DAZAP1: variants seen among roughly 807,000 people sequenced by gnomAD.
The protein encoded by DAZAP1 is DAZ-associated protein 1.
DAZAP1 carries 6 observed loss-of-function variants against 60.1 expected under a neutral mutation model. The ratio of observed to expected loss-of-function variants is 0.10; its 90% CI spans 0.05 to 0.20. The LOEUF (loss-of-function observed/expected upper bound fraction) is 0.20. Ranked by LOEUF, DAZAP1 falls within the 10% of genes least tolerant of loss-of-function variation. The pLI is 1.00. For missense variants in DAZAP1, 366 were observed against 560.4 expected, an observed-to-expected ratio of 0.65 and a Z score of 3.50; for synonymous variants, 235 against 215.9, an observed-to-expected ratio of 1.09 and a Z score of -0.78.
chr19:1,411,612 G>T (rs2082833205), intron 1 of DAZAP1, among the ~76,000 whole-genome samples: 1 of 152,246 alleles, frequency 6.6e-6, no homozygotes, highest in South Asian at 2.1e-4. Flanking sequence ...CCTGGCGCTT[G>T]CCCTTCACAC....
At chr19:1,431,228 A>T (rs1455318489) in intron 10 of DAZAP1, among the ~76,000 whole-genome samples, 2 of 151,322 alleles carry the variant, frequency 1.3e-5, no homozygotes, top group Non-Finnish European at 2.9e-5. Flanking sequence ...TCCTGGGTTC[A>T]CGCCATTCTC....
intron 1 of DAZAP1, 143 bp downstream of exon 1, chr19:1,407,945 C>A: frequency 1.3e-6 from 1 of 749,520 alleles, no homozygotes; most frequent in Non-Finnish European, 1.6e-6. Context: ...GGACTCGCCG[C>A]GGCTTCGCGC....
intron 1 of DAZAP1, chr19:1,417,260 G>A (rs1179830216): frequency 7.0e-6 from 4 of 568,208 alleles, no homozygotes; most frequent in African/African-American, 5.7e-5. Flanking sequence ...TGAGGTCAGC[G>A]TGCGGCTCTG....
Position 1,418,504 on chromosome 19 carries a change from C to A in DAZAP1, c.237+134C>A. The stretch of plus-strand genomic sequence containing the variant: ...GTGGGGTCGATTGGGAAGGATTAAG[C>A]CTTGGTGCTGAGGCTGGATATTGCA... On this transcript the variant is annotated intron_variant, in intron 3 of 11. Transcript: ENST00000233078. The surrounding 1 kb of genome is among the most constrained non-coding windows in gnomAD (Gnocchi z 5.7). 1.4e-6 allele frequency: 2 copies of A among 1,433,034 alleles called. No individual in the cohort carries two copies. The highest frequency in any genetic ancestry group is 1.2e-5 in the South Asian group (1 of 83,036). 88.8% of individuals were successfully genotyped at this position (1,433,034 alleles called of 1,614,324 possible).
At chr19:1,429,204 G>A (rs1192831869) in intron 8 of DAZAP1, among the ~76,000 whole-genome samples, 1 of 152,260 alleles carries the variant, frequency 6.6e-6, no homozygotes, top group African/African-American at 2.4e-5. Flanking sequence ...GGGTGGCCAC[G>A]GCTTAGGTGC....
At chr19:1,421,017 T>C in intron 4 of DAZAP1, 131 bp from the exon 5 acceptor site, 1 of 718,628 alleles carries the variant, frequency 1.4e-6, no homozygotes, top group Non-Finnish European at 2.4e-6. Context: ...TTAGCGGGCT[T>C]GTGGAGTGTT....
At chr19:1,427,658 G>A (rs138577089) in intron 7 of DAZAP1, 2 of 152,390 alleles carry the variant, frequency 1.3e-5, no homozygotes, top group Non-Finnish European at 2.9e-5. Context: ...TGAGGAGGGT[G>A]TGTGAAGACT....
Position 1,416,548 on chromosome 19 carries a change from G to A in DAZAP1, c.30-952G>A, listed in dbSNP as rs1031193923. Reference sequence around the variant, plus strand: ...AAGCTTGAATGACATCTAAGGCCCCGTGCCTGGGTAAGCCTTGTGGTGTCT... The same window carrying A: ...AAGCTTGAATGACATCTAAGGCCCCATGCCTGGGTAAGCCTTGTGGTGTCT... On this transcript the variant is annotated intron_variant, in intron 1 of 11. Coordinates refer to ENST00000233078, the MANE Select transcript of DAZAP1 (RefSeq NM_018959.4). This position sits in a 1 kb window ranked among gnomAD's most constrained non-coding sequence, Gnocchi z 4.3. 1.3e-5 allele frequency: 2 copies of A among 152,252 alleles called. No homozygotes were observed. Among genetic ancestry groups the A allele is most frequent in the Non-Finnish European group, 2.9e-5 (2 of 68,072 alleles). 9.4% of individuals were successfully genotyped at this position (152,252 alleles called of 1,614,324 possible). A position where few individuals can be genotyped will look rare whatever the true frequency, so the allele number is the denominator to read the frequency against.
Position 1,434,574 on chromosome 19 carries a change from C to T in DAZAP1, c.1049-163C>T. On this transcript the variant is annotated intron_variant, in intron 11 of 11. Transcript: ENST00000233078. This position sits in a 1 kb window ranked among gnomAD's most constrained non-coding sequence, Gnocchi z 8.0. ...TTGAGGGAGAGAACATGCCCGGGGTCCTCTCCCCGGCCCAGGTGCTGGCCT... is the reference window on the plus strand; with the variant it reads ...TTGAGGGAGAGAACATGCCCGGGGTTCTCTCCCCGGCCCAGGTGCTGGCCT... The T allele has an allele frequency of 1.6e-6, 1 of 626,076 alleles. No individual in the cohort carries two copies. Among genetic ancestry groups the T allele is most frequent in the Non-Finnish European group, 2.8e-6 (1 of 361,012 alleles). 38.8% of individuals were successfully genotyped at this position (626,076 alleles called of 1,614,324 possible). A position where few individuals can be genotyped will look rare whatever the true frequency, so the allele number is the denominator to read the frequency against.
At chr19:1,429,912 G>T in intron 8 of DAZAP1, 55 bp from the exon 9 acceptor site, 1 of 1,551,758 alleles carries the variant, frequency 6.4e-7, no homozygotes, top group Non-Finnish European at 8.7e-7. Flanking sequence ...CTCCTTCTCT[G>T]CGTCGGACAG....
At chr19:1,424,940 AGAG>A (rs1218017541) in intron 6 of DAZAP1, among the ~76,000 whole-genome samples, 3 of 152,202 alleles carry the variant, frequency 2.0e-5, no homozygotes, top group Non-Finnish European at 4.4e-5. Flanking sequence ...TCCTGCGCCT[AGAG>A]GAGGAGACCC....
rs2083295078 is a variant in DAZAP1, at chr19:1,425,942, C to T, written c.528C>T (p.His176=). ...SVDQAVNMHF[H]DIMGKKVEVK... ...ACCAGGCTGTCAACATGCATTTTCA[C>T]GACATCATGGGCAAAAAAGTGTGTA... Residue 176 remains histidine (H), a synonymous_variant, in exon 7 of 12, where the codon CAC becomes CAT. Transcript: ENST00000233078. This position sits in a 1 kb window ranked among gnomAD's most constrained non-coding sequence, Gnocchi z 5.4. 2 of 1,612,720 alleles carry T rather than the reference C, an allele frequency of 1.2e-6. No individual in the cohort carries two copies. Among genetic ancestry groups the T allele is most frequent in the African/African-American group, 1.3e-5 (1 of 74,992 alleles).
rs1478151924 is a variant in DAZAP1 at position 1,418,801 on chromosome 19, A to C, written c.303+70A>C. ...ACGTGGAAAGGAAATGCGTGCCTTC[A>C]ATCTGCTGTTGTCGCTCGTTAAGAT... On this transcript the variant is annotated intron_variant, in intron 4 of 11. Coordinates refer to ENST00000233078, the MANE Select transcript of DAZAP1 (RefSeq NM_018959.4). The surrounding 1 kb of genome is among the most constrained non-coding windows in gnomAD (Gnocchi z 5.7). 2.0e-6 allele frequency: 3 copies of C among 1,466,350 alleles called. No homozygotes were observed. The highest frequency in any genetic ancestry group is 2.8e-5 in the African/African-American group (2 of 70,486). 90.8% of individuals were successfully genotyped at this position (1,466,350 alleles called of 1,614,324 possible). A position where few individuals can be genotyped will look rare whatever the true frequency, so the allele number is the denominator to read the frequency against.
rs1365883492 is a variant in DAZAP1, at chr19:1,422,678, G to A, written c.463+282G>A. Among the ~76,000 whole-genome samples the A allele has an allele frequency of 2.6e-5, 4 of 152,088 alleles. No homozygotes were observed. Among genetic ancestry groups the A allele is most frequent in the Admixed American group, 2.6e-4 (4 of 15,272 alleles). ...CCTGGCTTCTGTTTTTCACTGTCCGGAAGAGTGTGGTCCTTCTGCATTTGA... is the reference window on the plus strand; with the variant it reads ...CCTGGCTTCTGTTTTTCACTGTCCGAAAGAGTGTGGTCCTTCTGCATTTGA... On this transcript the variant is annotated intron_variant, in intron 6 of 11. Coordinates refer to ENST00000233078, the MANE Select transcript of DAZAP1 (RefSeq NM_018959.4). This position sits in a 1 kb window ranked among gnomAD's most constrained non-coding sequence, Gnocchi z 4.5.
chr19:1,428,574 C>T lies in DAZAP1; in HGVS notation c.547-268C>T, dbSNP rs1028876194. On this transcript the variant is annotated intron_variant, in intron 7 of 11. Transcript: ENST00000233078. This position sits in a 1 kb window ranked among gnomAD's most constrained non-coding sequence, Gnocchi z 4.0. ...ACGAAACCCCCGAGGGCTCTGGGCT[C>T]GGTCCTGCTGCCCCGCAGTGGGCGG... 2.3e-5 allele frequency: 9 copies of T among 399,600 alleles called. No individual in the cohort carries two copies. The highest frequency in any genetic ancestry group is 8.5e-5 in the African/African-American group (4 of 47,324). 24.8% of individuals were successfully genotyped at this position (399,600 alleles called of 1,614,324 possible).
chr19:1,407,632 G>T lies in DAZAP1; in HGVS notation c.-142G>T. The stretch of plus-strand genomic sequence containing the variant: ...AGGGGAGGAGGCAGCCGCCGCCGCC[G>T]CCGCCGCCGCCGCCGCCGCCGCCGC... On this transcript the variant is annotated 5_prime_UTR_variant, in exon 1 of 12. Transcript: ENST00000233078. The T allele has an allele frequency of 1.2e-6, 1 of 800,284 alleles. No homozygotes were observed. Among genetic ancestry groups the T allele is most frequent in the Non-Finnish European group, 1.5e-6 (1 of 661,982 alleles). The allele number at this position is 800,284 out of a possible 1,614,324, so 49.6% of individuals were successfully genotyped here.
At position 1,430,274 on chromosome 19, in the gene DAZAP1, G is replaced by A. The variant is rs369603356; in HGVS notation, c.783G>A (p.Pro261=). Residue 261 remains proline (P), a synonymous_variant, in exon 10 of 12, where the codon CCG becomes CCA. Transcript: ENST00000233078. The part of the protein sequence containing the change: ...AGRGAPPPPP[P]FTSYIVSTPP... ...GAGGAGCCCCCCCGCCACCCCCACCGTTCACCTCCTACATCGTGTCCACCC... is the reference window on the plus strand; with the variant it reads ...GAGGAGCCCCCCCGCCACCCCCACCATTCACCTCCTACATCGTGTCCACCC... 12 of 518,790 alleles carry A rather than the reference G, an allele frequency of 2.3e-5. No individual in the cohort carries two copies. The highest frequency in any genetic ancestry group is 3.0e-5 in the Non-Finnish European group (9 of 296,524). The allele number at this position is 518,790 out of a possible 1,614,324, so 32.1% of individuals were successfully genotyped here. A position where few individuals can be genotyped will look rare whatever the true frequency, so the allele number is the denominator to read the frequency against.
Position 1,434,138 on chromosome 19 carries a change from C to T in DAZAP1, c.1049-599C>T. On this transcript the variant is annotated intron_variant, in intron 11 of 11. Coordinates refer to ENST00000233078, the MANE Select transcript of DAZAP1 (RefSeq NM_018959.4). The surrounding 1 kb of genome is among the most constrained non-coding windows in gnomAD (Gnocchi z 8.0). ...CCTTGTAAAGACACCGCTGTCCATG[C>T]TCCTGAGGTCGGCTGTGTGGGCCGG... 2.9e-6 allele frequency: 1 copy of T among 348,708 alleles called. No homozygotes were observed. The highest frequency in any genetic ancestry group is 3.8e-5 in the South Asian group (1 of 26,354). The allele number at this position is 348,708 out of a possible 1,614,324, so 21.6% of individuals were successfully genotyped here.
chr19:1,416,284 G>A lies in DAZAP1; in HGVS notation c.30-1216G>A, dbSNP rs909049239. Reference sequence around the variant, plus strand: ...GGCCGTCAGGGATACAGGGCCCCGCGTGGGAATGGTGCTTTCAGTGAGGCT... The same window carrying A: ...GGCCGTCAGGGATACAGGGCCCCGCATGGGAATGGTGCTTTCAGTGAGGCT... On this transcript the variant is annotated intron_variant, in intron 1 of 11. Coordinates refer to ENST00000233078, the MANE Select transcript of DAZAP1 (RefSeq NM_018959.4). The surrounding 1 kb of genome is among the most constrained non-coding windows in gnomAD (Gnocchi z 4.3). 6.6e-6 allele frequency: 1 copy of A among 152,278 alleles called. No individual in the cohort carries two copies. Among genetic ancestry groups the A allele is most frequent in the African/African-American group, 2.4e-5 (1 of 41,448 alleles). The allele number at this position is 152,278 out of a possible 1,614,324, so 9.4% of individuals were successfully genotyped here.
Sources: gnomAD v4.1 joint callset for allele counts (sites outside exome capture counted in the v4.1 genomes callset) on GRCh38, gnomAD v4.1.1 for gene constraint, Gnocchi (gnomAD v3.1) non-coding constraint, MANE v1.5 for transcripts, NCBI Gene and HGNC (gene_info 2026-07-23, HGNC 2026-07-21) for gene names.